The following TTLL5 variants were observed in gnomAD, a reference collection of about 807,000 sequenced individuals.
The protein encoded by TTLL5 is tubulin tyrosine ligase like 5.
A neutral mutation model predicts 168.4 loss-of-function variants in TTLL5; 132 were observed. The observed-to-expected ratio is 0.78, with a 90% CI of 0.68 to 0.91. The LOEUF (loss-of-function observed/expected upper bound fraction) is 0.91. Among genes scored for constraint, TTLL5 ranks in the 40% least tolerant of loss-of-function variants. TTLL5 has a pLI of 0.00. For missense variants in TTLL5, 1,545 were observed against 1,581.5 expected, an observed-to-expected ratio of 0.98 and a Z score of 0.39; for synonymous variants, 546 against 558.6, an observed-to-expected ratio of 0.98 and a Z score of 0.32.
intron 31 of TTLL5, among the ~76,000 whole-genome samples, chr14:75,920,725 T>C (rs2140137745): frequency 6.6e-6 from 1 of 152,330 alleles, no homozygotes; most frequent in East Asian, 1.9e-4. Flanking sequence ...GCATGTGTCT[T>C]TATAGTAGCA....
chr14:75,742,922 T>C (rs1055756605), intron 15 of TTLL5, among the ~76,000 whole-genome samples: 6 of 152,232 alleles, frequency 3.9e-5, no homozygotes, highest in Admixed American at 3.3e-4. Flanking sequence ...CTTTCAACTT[T>C]CCCCTATAAA....
intron 31 of TTLL5, among the ~76,000 whole-genome samples, chr14:75,928,463 G>T (rs1032524962): frequency 6.8e-6 from 1 of 148,106 alleles, no homozygotes; most frequent in Non-Finnish European, 1.5e-5. Flanking sequence ...AGCTTTTATG[G>T]CAAAACACAC....
intron 30 of TTLL5, among the ~76,000 whole-genome samples, chr14:75,885,092 G>A (rs947998399): frequency 7.9e-5 from 12 of 151,932 alleles, no homozygotes; most frequent in African/African-American, 1.9e-4. Flanking sequence ...GGAGAATGGC[G>A]TGAACCTGGG....
At chr14:75,929,043 A>T (rs1489312417) in intron 31 of TTLL5, among the ~76,000 whole-genome samples, 2 of 134,670 alleles carry the variant, frequency 1.5e-5, no homozygotes, top group Non-Finnish European at 3.1e-5. Flanking sequence ...AGCAGCTGAC[A>T]TACTTCCAGA....
intron 18 of TTLL5, among the ~76,000 whole-genome samples, chr14:75,761,130 A>G (rs1432566985): frequency 6.6e-6 from 1 of 152,178 alleles, no homozygotes; most frequent in Non-Finnish European, 1.5e-5. Flanking sequence ...TGCTTATGAA[A>G]ATGTGCTTAA....
chr14:75,946,491 C>T (rs191962508), intron 31 of TTLL5, among the ~76,000 whole-genome samples: 50 of 152,280 alleles, frequency 3.3e-4, no homozygotes, highest in African/African-American at 1.0e-3. Flanking sequence ...TAAAACAGTA[C>T]GAACAAATAA....
At chr14:75,887,118 A>G (rs1490653956) in intron 30 of TTLL5, 2 of 1,082,302 alleles carry the variant, frequency 1.8e-6, no homozygotes, top group African/African-American at 3.3e-5. Context: ...GTCAGCACCC[A>G]GGACAGTGGT....
intron 28 of TTLL5, among the ~76,000 whole-genome samples, chr14:75,830,216 C>T (rs1407295971): frequency 6.6e-6 from 1 of 152,136 alleles, no homozygotes; most frequent in Non-Finnish European, 1.5e-5. Context: ...ATCCAACACA[C>T]CACAATGTGA....
intron 27 of TTLL5, among the ~76,000 whole-genome samples, chr14:75,815,124 T>A (rs1894314769): frequency 6.6e-6 from 1 of 152,230 alleles, no homozygotes; most frequent in Non-Finnish European, 1.5e-5. Flanking sequence ...AGGAAGAGAC[T>A]GCTGGGTGAG....
Position 75,747,979 on chromosome 14 carries a change from A to G in TTLL5, c.1487+2398A>G, listed in dbSNP as rs544516073. ...TGAAAATTCTAGCTACTCCCTAGAA[A>G]TTAGATTTCTCTTGTCTCTTTTCAG... On this transcript the variant is annotated intron_variant, in intron 17 of 31. Coordinates refer to ENST00000298832, the MANE Select transcript of TTLL5 (RefSeq NM_015072.5). Among the ~76,000 whole-genome samples the G allele has an allele frequency of 2.6e-5, 4 of 152,306 alleles. No individual in the cohort carries two copies. In the South Asian group the frequency reaches 8.3e-4, roughly 32 times the overall value.
intron 7 of TTLL5, among the ~76,000 whole-genome samples, chr14:75,699,551 T>C (rs1188364591): frequency 6.6e-6 from 1 of 152,254 alleles, no homozygotes; most frequent in Non-Finnish European, 1.5e-5. Context: ...TTTCTGCTTT[T>C]AGCATATTGT....
chr14:75,782,231 G>T (rs548233185), intron 24 of TTLL5, among the ~76,000 whole-genome samples: 1 of 152,050 alleles, frequency 6.6e-6, no homozygotes, highest in Admixed American at 6.5e-5. Context: ...TCCGTGGATG[G>T]CTGCCCTGGG....
intron 27 of TTLL5, among the ~76,000 whole-genome samples, chr14:75,801,453 T>A (rs1392387652): frequency 6.6e-6 from 1 of 152,218 alleles, no homozygotes; most frequent in East Asian, 1.9e-4. Flanking sequence ...GCATTTATCC[T>A]TTCTTTGTAT....
chr14:75,878,061 G>A (rs2031593164), intron 29 of TTLL5, among the ~76,000 whole-genome samples: 1 of 152,158 alleles, frequency 6.6e-6, no homozygotes, highest in South Asian at 2.1e-4. Context: ...TATCCGTTCA[G>A]TGTATTACAG....
intron 31 of TTLL5, among the ~76,000 whole-genome samples, chr14:75,933,073 A>G (rs1252749856): frequency 6.6e-6 from 1 of 152,236 alleles, no homozygotes; most frequent in African/African-American, 2.4e-5. Flanking sequence ...CATTCTAGTT[A>G]ATACAGTTTT....
At chr14:75,792,410 A>T (rs555379624) in intron 26 of TTLL5, among the ~76,000 whole-genome samples, 22 of 128,772 alleles carry the variant, frequency 1.7e-4, no homozygotes, top group Middle Eastern at 4.9e-3. Context: ...CTAAAAATAT[A>T]AAAAAAAAAA....
At chr14:75,792,846 CTG>C in intron 26 of TTLL5, 68 bp from the exon 27 acceptor site, 1 of 1,388,038 alleles carries the variant, frequency 7.2e-7, no homozygotes, top group Non-Finnish European at 9.6e-7. Context: ...CCTGAGATTT[CTG>C]TCATTATCCT....
At chr14:75,932,908 C>T (rs2034321114) in intron 31 of TTLL5, among the ~76,000 whole-genome samples, 1 of 152,104 alleles carries the variant, frequency 6.6e-6, no homozygotes, top group South Asian at 2.1e-4. Context: ...TCAAGTGACA[C>T]CTAGAACGAT....
intron 28 of TTLL5, among the ~76,000 whole-genome samples, chr14:75,855,352 G>A (rs1019358253): frequency 6.6e-6 from 1 of 152,184 alleles, no homozygotes; most frequent in African/African-American, 2.4e-5. Flanking sequence ...AGGCACTGGA[G>A]GGTGAACAAA....
Sources: gnomAD v4.1 joint callset for allele counts (sites outside exome capture counted in the v4.1 genomes callset) on GRCh38, gnomAD v4.1.1 for gene constraint, MANE v1.5 for transcripts, NCBI Gene and HGNC (gene_info 2026-07-23, HGNC 2026-07-21) for gene names.